The following CFH variants were observed in gnomAD, a reference collection of about 807,000 sequenced individuals.
CFH encodes complement factor H.
CFH carries 53 observed loss-of-function variants against 147.3 expected under a neutral mutation model. That is an observed-to-expected ratio of 0.36 (90% CI 0.29 to 0.45). The LOEUF (loss-of-function observed/expected upper bound fraction) is 0.45, where lower values mean the gene tolerates loss of function less well. CFH is among the 20% of genes least tolerant of loss of function. The pLI, the probability that CFH is intolerant of heterozygous loss-of-function variation, is 1.00. For missense variants in CFH, 1,380 were observed against 1,498.0 expected (o/e 0.92, Z 1.30); for synonymous variants, 536 against 489.4 (o/e 1.10, Z -1.26).
chr1:196,673,244 T>C, intron 2 of CFH, 81 bp downstream of exon 2: 1 of 1,218,746 alleles, frequency 8.2e-7, no homozygotes, highest in African/African-American at 1.5e-5. Context: ...CAATTATGCC[T>C]GAATTATATC....
intron 6 of CFH, among the ~76,000 whole-genome samples, chr1:196,681,494 A>C (rs1331541707): frequency 6.6e-6 from 1 of 151,134 alleles, no homozygotes; most frequent in Non-Finnish European, 1.5e-5. Flanking sequence ...ACACACACAC[A>C]CACCCCTCAA....
At chr1:196,669,760 C>T (rs975664488) in intron 1 of CFH, among the ~76,000 whole-genome samples, 5 of 152,162 alleles carry the variant, frequency 3.3e-5, no homozygotes, top group Non-Finnish European at 7.3e-5. Flanking sequence ...GGATTGGAGC[C>T]CCCACACAGA....
At chr1:196,689,741 A>C (rs1667959575) in intron 8 of CFH, 127 bp downstream of exon 8, 1 of 1,017,250 alleles carries the variant, frequency 9.8e-7, no homozygotes, top group African/African-American at 1.6e-5. Context: ...TTGTTCAAGC[A>C]AAGTGACCAA....
At position 196,741,995 on chromosome 1, in the gene CFH, G is replaced by C. The variant is rs1261530652; in HGVS notation, c.3077G>C (p.Gly1026Ala). ...TGTGCAACATATTACAAAATGGATGGAGCCAGTAATGTAACATGCATTAAT... is the reference window on the plus strand; with the variant it reads ...TGTGCAACATATTACAAAATGGATGCAGCCAGTAATGTAACATGCATTAAT... The part of the protein sequence containing the change: ...YTCATYYKMD[G>A]ASNVTCINSR... The change falls in exon 19 of 22, where the codon GGA becomes GCA. Residue 1026 changes from glycine to alanine, a missense_variant. Transcript: ENST00000367429. 6.2e-7 allele frequency: 1 copy of C among 1,614,156 alleles called. No homozygotes were observed. Among genetic ancestry groups the C allele is most frequent in the Admixed American group, 1.7e-5 (1 of 60,022 alleles).
chr1:196,737,715 T>A (rs1226563971), intron 17 of CFH, 55 bp downstream of exon 17: 3 of 1,443,164 alleles, frequency 2.1e-6, no homozygotes, highest in East Asian at 2.3e-5. Context: ...ATAAAAATAA[T>A]CTCTTGTTAT....
In CFH at chr1:196,741,736, A is replaced by G. The variant is rs1317120535; in HGVS notation, c.2957-139A>G. The stretch of plus-strand genomic sequence containing the variant: ...ATGTAATTAAGACAAAATGGCTAAT[A>G]TATTTTCTCAAGTTATAAGAAAAAT... On this transcript the variant is annotated intron_variant, in intron 18 of 21. Transcript: ENST00000367429. 10 of 721,346 alleles carry G rather than the reference A, an allele frequency of 1.4e-5. No homozygotes were observed. The East Asian group carries it at 2.4e-4, about 18-fold the overall frequency. 44.7% of individuals were successfully genotyped at this position (721,346 alleles called of 1,614,324 possible). A position where few individuals can be genotyped will look rare whatever the true frequency, so the allele number is the denominator to read the frequency against.
At chr1:196,707,875 T>C (rs1216019176) in intron 9 of CFH, among the ~76,000 whole-genome samples, 3 of 152,226 alleles carry the variant, frequency 2.0e-5, no homozygotes, top group Non-Finnish European at 2.9e-5. Flanking sequence ...AAAGGTGAGA[T>C]ACCTTCCTGT....
chr1:196,728,409 A>C lies in CFH; in HGVS notation c.2300A>C (p.Asn767Thr). ...ATTATACTTGAGGAACATTTAAAAA[A>C]CAAGAAGGAATTCGATCATAATTCT... ...NLIILEEHLK[N>T]KKEFDHNSNI... is the part of the protein sequence containing the mutation. The change falls in exon 15 of 22, where the codon AAC becomes ACC. Residue 767 changes from asparagine (N) to threonine (T), a missense_variant. By Grantham distance (65) the Asn-to-Thr change is moderately conservative (BLOSUM62 0). Transcript: ENST00000367429. 6.2e-7 allele frequency: 1 copy of C among 1,606,316 alleles called. No homozygotes were observed. Among genetic ancestry groups the C allele is most frequent in the Non-Finnish European group, 8.5e-7 (1 of 1,174,520 alleles).
chr1:196,743,473 C>T lies in CFH; in HGVS notation c.3155C>T (p.Pro1052Leu). The change falls in exon 20 of 22, where the codon CCC (proline) becomes CTC (leucine). Residue 1052 changes from proline to leucine, a missense_variant. Coordinates refer to ENST00000367429, the MANE Select transcript of CFH (RefSeq NM_000186.4). ...TCRDTSCVNPPTVQNAYIVSR... is the reference protein window; with the variant it reads ...TCRDTSCVNPLTVQNAYIVSR... ...TCAGACACCTCCTGTGTGAATCCGC[C>T]CACAGTACAAAATGCTTATATAGTG... 1 of 1,613,960 alleles carries T rather than the reference C, an allele frequency of 6.2e-7. No individual in the cohort carries two copies. The highest frequency in any genetic ancestry group is 8.5e-7 in the Non-Finnish European group (1 of 1,179,910).
chr1:196,746,115 T>TTC, intron 21 of CFH, 116 bp downstream of exon 21: 1 of 1,557,434 alleles, frequency 6.4e-7, no homozygotes, highest in Non-Finnish European at 8.8e-7. Context: ...AATGCTTGCC[T>TTC]ACCAAATATT....
intron 11 of CFH, among the ~76,000 whole-genome samples, chr1:196,716,283 G>A (rs16840462): frequency 0.023 from 3,441 of 152,128 alleles, 135 homozygotes; most frequent in African/African-American, 0.077. Flanking sequence ...GGGAAAACAA[G>A]TATATGCAGA....
intron 5 of CFH, chr1:196,679,369 A>C (rs998490234): frequency 9.4e-6 from 3 of 319,794 alleles, no homozygotes; most frequent in Non-Finnish European, 1.8e-5. Context: ...CAGTTGATGA[A>C]TGTTACTGGT....
At chr1:196,743,330 A>C in intron 19 of CFH, 122 bp from the exon 20 acceptor site, 1 of 1,403,248 alleles carries the variant, frequency 7.1e-7, no homozygotes, top group Non-Finnish European at 9.8e-7. Context: ...AAATCAACAA[A>C]ATATTTGATG....
chr1:196,702,820 G>C (rs2149097081), intron 9 of CFH, among the ~76,000 whole-genome samples: 1 of 152,222 alleles, frequency 6.6e-6, no homozygotes, highest in South Asian at 2.1e-4. Flanking sequence ...ATTTTGATCA[G>C]CCTCTGCAAG....
At chr1:196,652,584 T>A (rs1262141744) in intron 1 of CFH, among the ~76,000 whole-genome samples, 1 of 151,884 alleles carries the variant, frequency 6.6e-6, no homozygotes, top group Non-Finnish European at 1.5e-5. Context: ...ATTAGATTTA[T>A]TTCAAATATG....
chr1:196,722,290 G>A (rs909239083), intron 11 of CFH, among the ~76,000 whole-genome samples: 1 of 151,940 alleles, frequency 6.6e-6, no homozygotes, highest in Admixed American at 6.6e-5. Flanking sequence ...AGCTTGTTTG[G>A]GAAAGACTTT....
chr1:196,687,415 T>C (rs1667865409), intron 7 of CFH, among the ~76,000 whole-genome samples: 1 of 152,076 alleles, frequency 6.6e-6, no homozygotes, highest in Admixed American at 6.6e-5. Context: ...AATAGCTAAA[T>C]AGCTCGAGCC....
intron 10 of CFH, among the ~76,000 whole-genome samples, chr1:196,715,371 T>G (rs914501608): frequency 5.3e-5 from 8 of 152,094 alleles, no homozygotes; most frequent in African/African-American, 1.4e-4. Flanking sequence ...AAATATATTT[T>G]GGGGCTTAAG....
intron 4 of CFH, 98 bp downstream of exon 4, chr1:196,676,163 T>G: frequency 1.4e-6 from 1 of 703,160 alleles, no homozygotes; most frequent in Non-Finnish European, 2.3e-6. Flanking sequence ...TTAAATATTT[T>G]TATTTAATGT....
Sources: allele counts gnomAD v4.1 joint callset (sites outside exome capture counted in the v4.1 genomes callset), GRCh38; gene constraint gnomAD v4.1.1; transcripts MANE v1.5; gene names NCBI Gene and HGNC (gene_info 2026-07-23, HGNC 2026-07-21).